Variants in DNAH3 observed in about 807,000 individuals in gnomAD.
DNAH3 encodes dynein axonemal heavy chain 3.
DNAH3 carries 332 observed loss-of-function variants against 432.5 expected under a neutral mutation model. The ratio of observed to expected loss-of-function variants is 0.77; its 90% CI spans 0.70 to 0.84. The LOEUF (loss-of-function observed/expected upper bound fraction) is 0.84. Ranked by LOEUF, DNAH3 falls within the 40% of genes least tolerant of loss-of-function variation. The pLI, the probability that DNAH3 is intolerant of heterozygous loss-of-function variation, is 0.00. For missense variants in DNAH3, 4,861 were observed against 5,114.0 expected, an observed-to-expected ratio of 0.95 and a Z score of 1.51; for synonymous variants, 1,956 against 1,900.2, an observed-to-expected ratio of 1.03 and a Z score of -0.76.
chr16:20,980,773 AT>A, intron 49 of DNAH3, among the ~76,000 whole-genome samples: 1 of 152,348 alleles, frequency 6.6e-6, no homozygotes, highest in Non-Finnish European at 1.5e-5. Context: ...GTTTTAAAAT[AT>A]TTTAAAATTT....
chr16:20,982,785 C>T (rs1322899577), exon 49 of DNAH3: 1 of 1,614,182 alleles, frequency 6.2e-7, no homozygotes, highest in Non-Finnish European at 8.5e-7. Context: ...AACTCTAGGG[C>T]ATCTGTGGGC....
intron 37 of DNAH3, among the ~76,000 whole-genome samples, chr16:21,030,012 A>T (rs1288091527): frequency 6.6e-6 from 1 of 151,924 alleles, no homozygotes; most frequent in Non-Finnish European, 1.5e-5. Context: ...TTTTTTTTGT[A>T]GAGATGGCTC....
intron 49 of DNAH3, 114 bp downstream of exon 49, chr16:20,982,607 A>T: frequency 1.3e-6 from 1 of 780,160 alleles, no homozygotes. Context: ...TTAAAAGCAT[A>T]AGACATTTGC....
At chr16:21,011,063 G>C (rs192901130) in intron 41 of DNAH3, among the ~76,000 whole-genome samples, 2 of 152,072 alleles carry the variant, frequency 1.3e-5, no homozygotes, top group African/African-American at 4.8e-5. Context: ...CATCGTTGTG[G>C]ACAGGAGATA....
exon 51 of DNAH3, chr16:20,975,243 T>C (rs761200755): frequency 6.2e-7 from 1 of 1,613,442 alleles, no homozygotes; most frequent in Non-Finnish European, 8.5e-7. Flanking sequence ...CTTGATTCCT[T>C]GGGCAATGGC....
chr16:21,077,339 T>C (rs1040141318), intron 20 of DNAH3, among the ~76,000 whole-genome samples: 4 of 151,980 alleles, frequency 2.6e-5, no homozygotes, highest in African/African-American at 9.7e-5. Context: ...ATTTTTGTAT[T>C]TTTAGTAGAG....
rs535469927 is a variant in DNAH3, at chr16:20,958,221, C to T, written c.10826+958G>A. Among the ~76,000 whole-genome samples, 89 of 151,914 alleles carry T rather than the reference C, an allele frequency of 5.9e-4. No individual in the cohort carries two copies. The South Asian group carries it at 6.7e-3, about 11-fold the overall frequency. On this transcript the variant is annotated intron_variant, in intron 54 of 61. Coordinates refer to ENST00000261383, the Ensembl canonical transcript of DNAH3. ...CCAAGTTGCTGGGACTACAAATGTGCGCCACCATGCCCAGCTCATTTTTTG... is the reference window on the plus strand; with the variant it reads ...CCAAGTTGCTGGGACTACAAATGTGTGCCACCATGCCCAGCTCATTTTTTG...
At chr16:21,027,379 G>T (rs1349565702) in intron 37 of DNAH3, among the ~76,000 whole-genome samples, 1 of 152,100 alleles carries the variant, frequency 6.6e-6, no homozygotes, top group Non-Finnish European at 1.5e-5. Context: ...TGTTCGAAGT[G>T]GTGAAAAGTG....
At chr16:20,960,662 G>A (rs1002593918) in intron 53 of DNAH3, among the ~76,000 whole-genome samples, 1 of 152,092 alleles carries the variant, frequency 6.6e-6, no homozygotes, top group African/African-American at 2.4e-5. Context: ...CCGAGATCAC[G>A]CCACTGCACT....
chr16:21,060,472 A>C (rs1597272490), intron 25 of DNAH3, 116 bp from the exon 26 acceptor site: 10 of 671,804 alleles, frequency 1.5e-5, no homozygotes, highest in South Asian at 3.7e-5. Context: ...AAGGCTTGGC[A>C]CCTTTTCAAG....
intron 25 of DNAH3, 57 bp downstream of exon 25, chr16:21,062,425 G>A (rs753463218): frequency 1.5e-5 from 22 of 1,457,468 alleles, no homozygotes; most frequent in Non-Finnish European, 1.8e-5. Flanking sequence ...TAGCCAATAC[G>A]CTCTCTGATT....
intron 55 of DNAH3, among the ~76,000 whole-genome samples, 152 bp downstream of exon 55, chr16:20,954,655 TAGTATA>T (rs2084477220): frequency 6.6e-6 from 1 of 152,194 alleles, no homozygotes; most frequent in Admixed American, 6.6e-5. Flanking sequence ...ATAAATCATT[TAGTATA>T]AGTATGTTCC....
intron 1 of DNAH3, among the ~76,000 whole-genome samples, chr16:21,153,596 C>A (rs1451208141): frequency 6.6e-6 from 1 of 152,166 alleles, no homozygotes; most frequent in Non-Finnish European, 1.5e-5. Context: ...TGTTCTTTCA[C>A]TGTTTGGGTT....
At chr16:21,062,736 C>T (rs1406040101) in intron 24 of DNAH3, 53 bp from the exon 25 acceptor site, 2 of 1,478,746 alleles carry the variant, frequency 1.4e-6, no homozygotes, top group African/African-American at 2.8e-5. Flanking sequence ...AGAACTTTTT[C>T]TAGCAAGGTG....
chr16:21,037,074 C>T (rs913192730), intron 34 of DNAH3, among the ~76,000 whole-genome samples: 2 of 152,088 alleles, frequency 1.3e-5, no homozygotes, highest in African/African-American at 4.8e-5. Context: ...TTTGGGTGAC[C>T]GAGGTGGGTG....
chr16:21,120,165 G>T (rs2092305665), intron 11 of DNAH3, among the ~76,000 whole-genome samples: 2 of 143,304 alleles, frequency 1.4e-5, no homozygotes, highest in South Asian at 4.4e-4. Flanking sequence ...GTGCAATGGT[G>T]CAATCATAGC....
chr16:21,009,718 A>C (rs111718273), intron 41 of DNAH3, among the ~76,000 whole-genome samples: 3,894 of 152,152 alleles, frequency 0.026, 177 homozygotes, highest in African/African-American at 0.089. Flanking sequence ...TCTCTATAAA[A>C]AATACAAAAA....
chr16:20,946,819 C>CTTTTTTTTTTTTT (rs71149199), intron 57 of DNAH3, among the ~76,000 whole-genome samples: 1 of 70,864 alleles, frequency 1.4e-5, no homozygotes, highest in African/African-American at 5.8e-5. Flanking sequence ...ATTGTGAGTC[C>CTTTTTTTTTTTTT]TTTTTTTTTT....
At chr16:20,942,725 C>G (rs1233863287) in intron 58 of DNAH3, among the ~76,000 whole-genome samples, 1 of 152,140 alleles carries the variant, frequency 6.6e-6, no homozygotes. Context: ...GTCACTTTCT[C>G]TCTCAGGATT....
Sources: allele counts gnomAD v4.1 joint callset (sites outside exome capture counted in the v4.1 genomes callset), GRCh38; gene constraint gnomAD v4.1.1; transcripts MANE v1.5; gene names NCBI Gene and HGNC (gene_info 2026-07-23, HGNC 2026-07-21).